MICAL3: variants seen among roughly 807,000 people sequenced by gnomAD.
The protein encoded by MICAL3 is [F-actin]-monooxygenase MICAL3.
In MICAL3, 62 loss-of-function variants were observed where a neutral mutation model predicts 207.4. The observed-to-expected ratio is 0.30, with a 90% confidence interval of 0.24 to 0.37. MICAL3 has a LOEUF of 0.37. MICAL3 is among the 10% of genes least tolerant of loss of function. The pLI is 1.00. For missense variants in MICAL3, 2,368 were observed against 2,635.6 expected, an observed-to-expected ratio of 0.90 and a Z score of 2.22; for synonymous variants, 1,077 against 1,069.3, an observed-to-expected ratio of 1.01 and a Z score of -0.14.
intron 1 of MICAL3, among the ~76,000 whole-genome samples, chr22:17,959,901 C>A (rs149586143): frequency 1.3e-5 from 2 of 152,190 alleles, no homozygotes. Context: ...GCTGAAGGAA[C>A]TGAACTCATT....
chr22:18,002,233 G>C (rs1035395785), intron 1 of MICAL3, among the ~76,000 whole-genome samples: 2 of 152,034 alleles, frequency 1.3e-5, no homozygotes, highest in African/African-American at 4.8e-5. Flanking sequence ...AGACTTGTTT[G>C]TTGCTCTTAG....
At chr22:17,811,005 G>T in intron 27 of MICAL3, 192 bp from the exon 28 acceptor site, 1 of 557,530 alleles carries the variant, frequency 1.8e-6, no homozygotes. Flanking sequence ...AAGGCATGAG[G>T]TCTGCAGAGT....
intron 29 of MICAL3, among the ~76,000 whole-genome samples, chr22:17,806,602 C>T (rs1456669951): frequency 6.6e-6 from 1 of 152,214 alleles, no homozygotes; most frequent in Non-Finnish European, 1.5e-5. Flanking sequence ...ATAGCAACTA[C>T]AGTTCTTGTG....
chr22:17,897,328 C>G (rs1372409957), intron 7 of MICAL3, among the ~76,000 whole-genome samples: 2 of 144,520 alleles, frequency 1.4e-5, no homozygotes, highest in East Asian at 4.0e-4. Context: ...GAAGCTGAGG[C>G]AGGAGAACTG....
rs372839851 is a variant in MICAL3 at position 17,819,127 on chromosome 22, C to T, written c.3534G>A (p.Gly1178=). Residue 1178 remains glycine (G), a splice_region_variant and synonymous_variant, in exon 26 of 32, where the codon GGG becomes GGA. Transcript: ENST00000441493. ...CGGCAGGGACAGGTGGGAGTTGGGGCCCCTACAGGGAAGGAAGACAGAAGC... is the reference window on the plus strand; with the variant it reads ...CGGCAGGGACAGGTGGGAGTTGGGGTCCCTACAGGGAAGGAAGACAGAAGC... ...FIPVHSPSTE[G]PQLPPVPAAT... 170 of 1,478,462 alleles carry T rather than the reference C, an allele frequency of 1.1e-4. 1 individual carries two copies. In the African/African-American group the frequency reaches 2.3e-3, roughly 20 times the overall value. 91.6% of individuals were successfully genotyped at this position (1,478,462 alleles called of 1,614,324 possible).
chr22:18,010,924 T>C (rs1038649105), intron 1 of MICAL3, among the ~76,000 whole-genome samples: 2 of 152,010 alleles, frequency 1.3e-5, no homozygotes, highest in African/African-American at 4.8e-5. Context: ...TAAACACAAT[T>C]GTAAAATAGC....
At chr22:17,812,350 C>T (rs896967001) in intron 27 of MICAL3, among the ~76,000 whole-genome samples, 21 of 152,342 alleles carry the variant, frequency 1.4e-4, no homozygotes, top group Admixed American at 3.3e-4. Context: ...CCACTCATGA[C>T]GTGGCTAACG....
chr22:17,996,445 G>GC (rs1922287722), intron 1 of MICAL3, among the ~76,000 whole-genome samples: 1 of 136,348 alleles, frequency 7.3e-6, no homozygotes, highest in African/African-American at 2.7e-5. Context: ...CTCCATCTCA[G>GC]AAAAAAAAAA....
intron 10 of MICAL3, among the ~76,000 whole-genome samples, chr22:17,894,395 C>CAAAAAAA (rs57537906): frequency 2.3e-5 from 2 of 86,240 alleles, no homozygotes; most frequent in Non-Finnish European, 2.4e-5. Flanking sequence ...GACTCTGTCT[C>CAAAAAAA]AAAAAAAAAA....
At chr22:17,801,628 T>G (rs1243892656) in intron 29 of MICAL3, among the ~76,000 whole-genome samples, 1 of 150,214 alleles carries the variant, frequency 6.7e-6, no homozygotes. Flanking sequence ...GCGCGGTGGC[T>G]CAGGCCTGTA....
intron 29 of MICAL3, among the ~76,000 whole-genome samples, chr22:17,806,656 T>C (rs1234420785): frequency 6.6e-6 from 1 of 152,244 alleles, no homozygotes; most frequent in Non-Finnish European, 1.5e-5. Context: ...CACCACTCTC[T>C]GCTATAACCT....
intron 1 of MICAL3, among the ~76,000 whole-genome samples, chr22:18,018,793 T>C (rs950017264): frequency 2.7e-5 from 4 of 150,444 alleles, no homozygotes; most frequent in Admixed American, 6.6e-5. Flanking sequence ...CATACACACA[T>C]ACACACACAC....
chr22:17,871,486 T>C (rs1306184024), intron 17 of MICAL3, among the ~76,000 whole-genome samples: 2 of 152,228 alleles, frequency 1.3e-5, no homozygotes, highest in Non-Finnish European at 2.9e-5. Flanking sequence ...GTGACTTCTA[T>C]GGATGTGCAA....
intron 1 of MICAL3, among the ~76,000 whole-genome samples, chr22:17,968,891 T>A (rs1457234224): frequency 6.6e-6 from 1 of 152,228 alleles, no homozygotes; most frequent in East Asian, 1.9e-4. Context: ...TTTTATTAAC[T>A]ACAAATAAAT....
chr22:17,791,037 G>T lies in MICAL3; in HGVS notation c.5785C>A (p.Arg1929=). The change falls in exon 31 of 32, where the codon CGA becomes AGA. Residue 1929 remains arginine (R), a synonymous_variant. Transcript: ENST00000441493. ...RELELEDRQS[R]LQQELRERMA... ...CGTTCCCGGAGCTCCTGCTGCAGTC[G>T]ACTCTGCCGGTCTTCCAGCTCCAGC... is the stretch of plus-strand genomic sequence containing the variant. 1 of 1,612,018 alleles carries T rather than the reference G, an allele frequency of 6.2e-7. No individual in the cohort carries two copies.
chr22:17,791,339 C>T (rs758178211), intron 29 of MICAL3, 38 bp from the exon 30 acceptor site: 16 of 1,528,086 alleles, frequency 1.0e-5, no homozygotes, highest in Non-Finnish European at 1.1e-5. Flanking sequence ...CAGGGAGTGC[C>T]GCGCCCACCC....
chr22:17,887,472 T>C (rs773012529), intron 13 of MICAL3, 37 bp from the exon 14 acceptor site: 9 of 1,477,952 alleles, frequency 6.1e-6, no homozygotes, highest in Admixed American at 1.8e-5. Flanking sequence ...AGCACAGCCC[T>C]TGAGGGCGCC....
intron 11 of MICAL3, among the ~76,000 whole-genome samples, chr22:17,892,746 C>T (rs1930490361): frequency 6.6e-6 from 1 of 152,206 alleles, no homozygotes; most frequent in African/African-American, 2.4e-5. Flanking sequence ...CAAATGTTTC[C>T]AACTGCCTGC....
At chr22:17,884,254 T>C (rs1309915800) in intron 16 of MICAL3, 2 of 1,569,344 alleles carry the variant, frequency 1.3e-6, no homozygotes, top group Admixed American at 3.6e-5. Flanking sequence ...GCACCCATCC[T>C]GGCCCTGGCA....
Sources: allele counts gnomAD v4.1 joint callset (sites outside exome capture counted in the v4.1 genomes callset), GRCh38; gene constraint gnomAD v4.1.1; transcripts MANE v1.5; gene names NCBI Gene and HGNC (gene_info 2026-07-23, HGNC 2026-07-21).